CDK14: variants seen among roughly 807,000 people sequenced by gnomAD.
CDK14 encodes cyclin dependent kinase 14.
A neutral mutation model predicts 60.7 loss-of-function variants in CDK14; 34 were observed. The observed-to-expected ratio is 0.56, with a 90% CI of 0.43 to 0.75. The LOEUF (loss-of-function observed/expected upper bound fraction) is 0.75. CDK14 is among the 30% of genes least tolerant of loss of function. The probability of loss-of-function intolerance (pLI) is 0.00; values close to 1 mark genes in which losing one functional copy is unlikely to be tolerated. For synonymous variants in CDK14, 197 were observed against 203.7 expected, an observed-to-expected ratio of 0.97 and a Z score of 0.28; for missense variants, 482 against 564.1, an observed-to-expected ratio of 0.85 and a Z score of 1.47.
At chr7:90,673,541 CTTAAAATTGGTTAAGTCTATTAAGCAAT>C (rs1167468114) in intron 2 of CDK14, among the ~76,000 whole-genome samples, 5 of 151,964 alleles carry the variant, frequency 3.3e-5, no homozygotes, top group African/African-American at 7.2e-5. Context: ...CCCACCTCAG[CTTAAAATTGGTTAAGTCTATTAAGCAAT>C]TTAAAATTGG....
At chr7:90,774,118 G>C (rs564795930) in intron 4 of CDK14, among the ~76,000 whole-genome samples, 2 of 151,902 alleles carry the variant, frequency 1.3e-5, no homozygotes, top group East Asian at 2.0e-4. Flanking sequence ...TAGCCAGGCT[G>C]GTCACGAACT....
At chr7:90,838,820 G>T (rs1344478110) in intron 5 of CDK14, among the ~76,000 whole-genome samples, 2 of 152,174 alleles carry the variant, frequency 1.3e-5, no homozygotes, top group East Asian at 3.9e-4. Flanking sequence ...GTGCCCAGCG[G>T]AACATGGACC....
Position 90,790,487 on chromosome 7 carries a change from T to C in CDK14, c.465-86T>C, listed in dbSNP as rs1584895495. 5 of 791,898 alleles carry C rather than the reference T, an allele frequency of 6.3e-6. No homozygotes were observed. The South Asian group carries it at 1.1e-4, about 18-fold the overall frequency. 49.1% of individuals were successfully genotyped at this position (791,898 alleles called of 1,614,324 possible). A position where few individuals can be genotyped will look rare whatever the true frequency, so the allele number is the denominator to read the frequency against. On this transcript the variant is annotated intron_variant, in intron 4 of 14. Coordinates refer to ENST00000380050, the MANE Select transcript of CDK14 (RefSeq NM_001287135.2). The stretch of plus-strand genomic sequence containing the variant: ...CATTTTTAGCATAAAAGTGAATTTA[T>C]TTAGTTATATAAATTATAAGGAAGA...
intron 5 of CDK14, among the ~76,000 whole-genome samples, chr7:90,829,402 C>T (rs899495088): frequency 1.3e-5 from 2 of 152,204 alleles, no homozygotes; most frequent in Admixed American, 1.3e-4. Context: ...AAATCGAAAA[C>T]AACTTAGTTA....
At chr7:90,642,112 G>A (rs1283289216) in intron 2 of CDK14, among the ~76,000 whole-genome samples, 1 of 152,184 alleles carries the variant, frequency 6.6e-6, no homozygotes, top group East Asian at 1.9e-4. Flanking sequence ...GGGACGCAGA[G>A]CCAAACCATA....
At chr7:90,849,137 C>CA (rs565551014) in intron 5 of CDK14, among the ~76,000 whole-genome samples, 232 of 152,206 alleles carry the variant, frequency 1.5e-3, no homozygotes, top group Non-Finnish European at 2.3e-3. Context: ...GCGGATCCCT[C>CA]ATGAATGGCT....
intron 12 of CDK14, among the ~76,000 whole-genome samples, chr7:91,089,200 A>C (rs1043601037): frequency 6.6e-6 from 1 of 152,208 alleles, no homozygotes; most frequent in African/African-American, 2.4e-5. Flanking sequence ...AAAAGGCATC[A>C]AACCACGTCA....
chr7:91,060,896 A>G (rs1206720882), intron 11 of CDK14, among the ~76,000 whole-genome samples: 1 of 152,080 alleles, frequency 6.6e-6, no homozygotes, highest in East Asian at 1.9e-4. Context: ...GCTCTTCTCA[A>G]GAAGTATCTT....
chr7:90,857,135 A>T (rs1241903853), intron 5 of CDK14, among the ~76,000 whole-genome samples: 1 of 151,434 alleles, frequency 6.6e-6, no homozygotes, highest in African/African-American at 2.4e-5. Flanking sequence ...ACACACCACT[A>T]CAGTGGGTAT....
chr7:90,793,515 G>T (rs956563107), intron 5 of CDK14, among the ~76,000 whole-genome samples: 2 of 152,174 alleles, frequency 1.3e-5, no homozygotes, highest in East Asian at 1.9e-4. Flanking sequence ...TTCCAGACAG[G>T]TATAGAAAAG....
chr7:91,121,379 G>T (rs1799777605), intron 14 of CDK14, among the ~76,000 whole-genome samples: 1 of 152,148 alleles, frequency 6.6e-6, no homozygotes, highest in Admixed American at 6.5e-5. Context: ...TCTCTTTGGG[G>T]AGTTACAAGG....
intron 2 of CDK14, among the ~76,000 whole-genome samples, chr7:90,619,225 G>C (rs1223624535): frequency 2.0e-5 from 3 of 152,064 alleles, no homozygotes; most frequent in Non-Finnish European, 4.4e-5. Context: ...TGAAGCTAAG[G>C]CAATTTTTCC....
chr7:91,005,574 A>G (rs960245247), intron 10 of CDK14, among the ~76,000 whole-genome samples: 7 of 152,228 alleles, frequency 4.6e-5, no homozygotes, highest in African/African-American at 1.4e-4. Context: ...AAATAAATCA[A>G]TCTTACACAT....
At chr7:90,774,637 A>G (rs1464557336) in intron 4 of CDK14, among the ~76,000 whole-genome samples, 1 of 152,212 alleles carries the variant, frequency 6.6e-6, no homozygotes, top group African/African-American at 2.4e-5. Context: ...TCTTGTCTTA[A>G]TATCTCTCTA....
chr7:90,615,814 G>A (rs1360773896), intron 2 of CDK14, among the ~76,000 whole-genome samples: 1 of 152,158 alleles, frequency 6.6e-6, no homozygotes, highest in African/African-American at 2.4e-5. Flanking sequence ...TGGAGGGTGA[G>A]AGTTTTCAAA....
chr7:91,030,156 A>G (rs1252261682), intron 10 of CDK14, among the ~76,000 whole-genome samples: 4 of 152,226 alleles, frequency 2.6e-5, no homozygotes, highest in Non-Finnish European at 5.9e-5. Context: ...TCTAAATGCT[A>G]TATATACAGT....
chr7:90,819,004 A>G (rs955530344), intron 5 of CDK14, among the ~76,000 whole-genome samples: 8 of 151,990 alleles, frequency 5.3e-5, no homozygotes, highest in African/African-American at 1.9e-4. Context: ...AGAGAAATAT[A>G]TGGGCATTTT....
At chr7:90,668,762 G>A (rs369630008) in intron 2 of CDK14, among the ~76,000 whole-genome samples, 7 of 138,744 alleles carry the variant, frequency 5.0e-5, no homozygotes, top group African/African-American at 1.9e-4. Flanking sequence ...AGACTGGAGT[G>A]CAATGGTGTG....
chr7:90,778,846 ACCTTCCTTCCTT>A (rs35971285), intron 4 of CDK14, among the ~76,000 whole-genome samples: 1,792 of 127,954 alleles, frequency 0.014, 13 homozygotes, highest in Middle Eastern at 0.029. Flanking sequence ...AAATTGACCG[ACCTTCCTTCCTT>A]CCTTCCTTCC....
Sources: allele counts gnomAD v4.1 joint callset (sites outside exome capture counted in the v4.1 genomes callset), GRCh38; gene constraint gnomAD v4.1.1; transcripts MANE v1.5; gene names NCBI Gene and HGNC (gene_info 2026-07-23, HGNC 2026-07-21).